PITPNM2: variants seen among roughly 807,000 people sequenced by gnomAD.
PITPNM2 encodes the protein phosphatidylinositol transfer protein membrane associated 2.
Under a neutral mutation model 132.2 loss-of-function variants are expected in PITPNM2, and 35 were observed. That is an observed-to-expected ratio of 0.26 (90% CI 0.20 to 0.35). The LOEUF (loss-of-function observed/expected upper bound fraction) is 0.35. Ranked by LOEUF, PITPNM2 falls within the 10% of genes least tolerant of loss-of-function variation. The probability of loss-of-function intolerance (pLI) is 1.00; values close to 1 mark genes in which losing one functional copy is unlikely to be tolerated. For missense variants in PITPNM2, 1,332 were observed against 1,912.0 expected (o/e 0.70, Z 5.66); for synonymous variants, 738 against 799.2 (o/e 0.92, Z 1.29).
rs2037827309 is a variant in PITPNM2 at position 122,983,908 on chromosome 12, T to A, written c.*2119A>T. 6.5e-6 allele frequency: 1 copy of A among 152,712 alleles called. No homozygotes were observed. Among genetic ancestry groups the A allele is most frequent in the African/African-American group, 2.4e-5 (1 of 41,476 alleles). 9.5% of individuals were successfully genotyped at this position (152,712 alleles called of 1,614,324 possible). A position where few individuals can be genotyped will look rare whatever the true frequency, so the allele number is the denominator to read the frequency against. ...CCCAACTCTGTAAACATTTTTGGTATTTTTAAAGGACGCTGCCCTCCCTCT... is the reference window on the plus strand; with the variant it reads ...CCCAACTCTGTAAACATTTTTGGTAATTTTAAAGGACGCTGCCCTCCCTCT... On this transcript the variant is annotated 3_prime_UTR_variant, in exon 26 of 26. Coordinates refer to ENST00000320201, the MANE Select transcript of PITPNM2 (RefSeq NM_020845.3).
chr12:122,988,809 G>T lies in PITPNM2; in HGVS notation c.2795C>A (p.Thr932Lys), dbSNP rs144570284. 2 of 1,585,574 alleles carry T rather than the reference G, an allele frequency of 1.3e-6. No homozygotes were observed. The highest frequency in any genetic ancestry group is 1.7e-6 in the Non-Finnish European group (2 of 1,166,088). ...AGGCAGAGCCACCGTGGGGAAGGCC[G>T]TGAGGGCGTCAGGGCAGTACAGGGC... The part of the protein sequence containing the change: ...DYALYCPDAL[T>K]AFPTVALPHL... The change falls in exon 19 of 26, where the codon ACG (threonine) becomes AAG (lysine). Residue 932 changes from threonine to lysine, a missense_variant. By Grantham distance (78) the Thr-to-Lys change is moderately conservative. Transcript: ENST00000320201.
At position 123,097,880 on chromosome 12, in the gene PITPNM2, G is replaced by A. The variant is rs1377506805; in HGVS notation, c.-96+12505C>T. ...GCTGGACAGAGCTCGGAAAGCGGCT[G>A]CAGCCAGATGGGAACAACATAATCC... On this transcript the variant is annotated intron_variant, in intron 2 of 25. Transcript: ENST00000320201. This position sits in a 1 kb window ranked among gnomAD's most constrained non-coding sequence, Gnocchi z 4.7. Among the ~76,000 whole-genome samples the A allele has an allele frequency of 6.6e-6, 1 of 152,228 alleles. No individual in the cohort carries two copies. The highest frequency in any genetic ancestry group is 2.4e-5 in the African/African-American group (1 of 41,454).
rs1408451275 is a variant in PITPNM2, at chr12:123,005,861, G to A, written c.644-313C>T. On this transcript the variant is annotated intron_variant, in intron 6 of 25. Transcript: ENST00000320201. The surrounding 1 kb of genome is among the most constrained non-coding windows in gnomAD (Gnocchi z 6.2). ...GCCTGTAATCCCAACACTTTGGGAG[G>A]ATTAGGTGGGAGGACAGCTTGAGTC... 1 of 343,760 alleles carries A rather than the reference G, an allele frequency of 2.9e-6. No individual in the cohort carries two copies. The highest frequency in any genetic ancestry group is 5.1e-5 in the East Asian group (1 of 19,630). The allele number at this position is 343,760 out of a possible 1,614,324, so 21.3% of individuals were successfully genotyped here. A position where few individuals can be genotyped will look rare whatever the true frequency, so the allele number is the denominator to read the frequency against.
chr12:122,996,436 G>A lies in PITPNM2; in HGVS notation c.1782+22C>T, dbSNP rs567831385. ...CAGGAGGCTTCAGGCCTTGGGGACT[G>A]TCTGGGCCCCCACTTGGGTACCTGC... On this transcript the variant is annotated intron_variant, in intron 13 of 25. Coordinates refer to ENST00000320201, the MANE Select transcript of PITPNM2 (RefSeq NM_020845.3). The A allele has an allele frequency of 6.2e-6, 10 of 1,612,476 alleles. No homozygotes were observed. In the African/African-American group the frequency reaches 6.7e-5, roughly 11 times the overall value.
chr12:123,042,210 C>A (rs1190966925), intron 2 of PITPNM2, among the ~76,000 whole-genome samples: 2 of 151,462 alleles, frequency 1.3e-5, no homozygotes, highest in Admixed American at 1.3e-4. Context: ...TCTTCCTGAA[C>A]CTCCCAGGGA....
chr12:123,144,991 C>T (rs1042082608), intron 1 of PITPNM2, among the ~76,000 whole-genome samples: 4 of 152,290 alleles, frequency 2.6e-5, no homozygotes, highest in Middle Eastern at 3.4e-3. Context: ...TGTTCACTAA[C>T]TCAGTGTTTG....
At position 123,097,011 on chromosome 12, in the gene PITPNM2, T is replaced by C. The variant is rs1484944211; in HGVS notation, c.-96+13374A>G. Reference sequence around the variant, plus strand: ...AGTGGGGCCACCCTGCCATCTCTCTTTATTTTTATTATTATTTATTTATTT... The same window carrying C: ...AGTGGGGCCACCCTGCCATCTCTCTCTATTTTTATTATTATTTATTTATTT... On this transcript the variant is annotated intron_variant, in intron 2 of 25. Transcript: ENST00000320201. This position sits in a 1 kb window ranked among gnomAD's most constrained non-coding sequence, Gnocchi z 4.7. Among the ~76,000 whole-genome samples the C allele has an allele frequency of 1.3e-5, 2 of 152,086 alleles. No homozygotes were observed. The highest frequency in any genetic ancestry group is 2.9e-5 in the Non-Finnish European group (2 of 67,998).
Position 122,984,867 on chromosome 12 carries a change from G to A in PITPNM2, c.*1160C>T, listed in dbSNP as rs1320932529. ...GAGAGAGGGCAGACGGTCAGACCCA[G>A]CGTGCAGGACAGCATGGTCCTTGTT... is the stretch of plus-strand genomic sequence containing the variant. On this transcript the variant is annotated 3_prime_UTR_variant, in exon 26 of 26. Coordinates refer to ENST00000320201, the MANE Select transcript of PITPNM2 (RefSeq NM_020845.3). 1 of 152,336 alleles carries A rather than the reference G, an allele frequency of 6.6e-6. No homozygotes were observed. The highest frequency in any genetic ancestry group is 6.5e-5 in the Admixed American group (1 of 15,290). 9.4% of individuals were successfully genotyped at this position (152,336 alleles called of 1,614,324 possible). A position where few individuals can be genotyped will look rare whatever the true frequency, so the allele number is the denominator to read the frequency against.
At chr12:123,147,705 T>C (rs1050484814) in intron 1 of PITPNM2, among the ~76,000 whole-genome samples, 3 of 152,036 alleles carry the variant, frequency 2.0e-5, no homozygotes, top group African/African-American at 7.2e-5. Flanking sequence ...CATAATCAGT[T>C]GGAAAGACAG....
intron 11 of PITPNM2, 26 bp downstream of exon 11, chr12:122,997,299 T>C: frequency 6.2e-7 from 1 of 1,611,214 alleles, no homozygotes; most frequent in Non-Finnish European, 8.5e-7. Flanking sequence ...TGCCGGAGGC[T>C]GCAATCAAGG....
At position 123,111,416 on chromosome 12, in the gene PITPNM2, G is replaced by A. The variant is rs1359653870; in HGVS notation, c.-199-928C>T. Among the ~76,000 whole-genome samples, 6 of 152,262 alleles carry A rather than the reference G, an allele frequency of 3.9e-5. No individual in the cohort carries two copies. The highest frequency in any genetic ancestry group is 3.3e-4 in the Admixed American group (5 of 15,292). On this transcript the variant is annotated intron_variant, in intron 1 of 25. Coordinates refer to ENST00000320201, the MANE Select transcript of PITPNM2 (RefSeq NM_020845.3). The surrounding 1 kb of genome is among the most constrained non-coding windows in gnomAD (Gnocchi z 4.1). ...TAGGAGCTGAGGACAGGCATGGTGG[G>A]GGTCTCCTCAGACACCAGTCCATGC... is the stretch of plus-strand genomic sequence containing the variant.
chr12:123,045,421 C>T (rs191700291), intron 2 of PITPNM2, among the ~76,000 whole-genome samples: 9 of 152,276 alleles, frequency 5.9e-5, no homozygotes, highest in Admixed American at 5.9e-4. Context: ...GTGGCTAAGT[C>T]GGCAGACAAT....
At chr12:123,148,296 TACA>T (rs909201063) in intron 1 of PITPNM2, among the ~76,000 whole-genome samples, 2 of 152,230 alleles carry the variant, frequency 1.3e-5, no homozygotes, top group African/African-American at 4.8e-5. Flanking sequence ...AGAACTGGCG[TACA>T]ATGGCTCATT....
chr12:123,026,488 G>A (rs2039867415), intron 3 of PITPNM2, among the ~76,000 whole-genome samples: 1 of 152,338 alleles, frequency 6.6e-6, no homozygotes, highest in Non-Finnish European at 1.5e-5. Context: ...TCTTTGTTAT[G>A]GCAGCGCCAG....
intron 6 of PITPNM2, chr12:123,007,476 T>C (rs1453623830): frequency 4.5e-6 from 2 of 448,842 alleles, no homozygotes; most frequent in Non-Finnish European, 4.5e-6. Context: ...CCCTAGAGCA[T>C]GCTGAGCGGG....
intron 8 of PITPNM2, among the ~76,000 whole-genome samples, chr12:123,001,948 T>G (rs1394866315): frequency 6.6e-6 from 1 of 151,756 alleles, no homozygotes; most frequent in African/African-American, 2.4e-5. Context: ...GGCGAATTAC[T>G]TGAACCTGGG....
intron 2 of PITPNM2, among the ~76,000 whole-genome samples, chr12:123,061,728 C>T (rs2041240490): frequency 6.6e-6 from 1 of 152,242 alleles, no homozygotes; most frequent in Non-Finnish European, 1.5e-5. Context: ...CCTGACAAAG[C>T]TCCTGCATCC....
intron 1 of PITPNM2, among the ~76,000 whole-genome samples, chr12:123,120,031 C>T (rs1487227436): frequency 6.6e-6 from 1 of 152,110 alleles, no homozygotes; most frequent in Non-Finnish European, 1.5e-5. Flanking sequence ...AAGGGAAACT[C>T]ATCACAGGTG....
chr12:123,096,161 C>T (rs146454741), intron 2 of PITPNM2, among the ~76,000 whole-genome samples: 106 of 152,364 alleles, frequency 7.0e-4, no homozygotes, highest in African/African-American at 2.4e-3. Flanking sequence ...GACAGGGGGA[C>T]AGACCCCTCC....
Sources: gnomAD v4.1 joint callset for allele counts (sites outside exome capture counted in the v4.1 genomes callset) on GRCh38, gnomAD v4.1.1 for gene constraint, Gnocchi (gnomAD v3.1) non-coding constraint, MANE v1.5 for transcripts, NCBI Gene and HGNC (gene_info 2026-07-23, HGNC 2026-07-21) for gene names.